Variants in ZNF234 observed in about 807,000 individuals in gnomAD.
ZNF234 encodes C2-H2 type zinc finger protein.
A neutral mutation model predicts 10.3 loss-of-function variants in ZNF234; 4 were observed. The observed-to-expected ratio is 0.39, with a 90% CI of 0.19 to 0.89. The LOEUF is 0.89. ZNF234 is among the 40% of genes least tolerant of loss of function. ZNF234 has a pLI of 0.38. For missense variants in ZNF234, 711 were observed against 836.1 expected, an observed-to-expected ratio of 0.85 and a Z score of 1.85; for synonymous variants, 258 against 280.1, an observed-to-expected ratio of 0.92 and a Z score of 0.79.
chr19:44,151,439 C>T (rs953733202), intron 5 of ZNF234, among the ~76,000 whole-genome samples: 4 of 152,118 alleles, frequency 2.6e-5, no homozygotes, highest in African/African-American at 4.8e-5. Flanking sequence ...TCAAGTGACC[C>T]GCCTGCCTCA....
In ZNF234 at chr19:44,157,530, T is replaced by G. The variant is rs778761512; in HGVS notation, c.1514T>G (p.Ile505Ser). ...RRADLKIHCRIHTGEKPYNCE... is the reference protein window; with the variant it reads ...RRADLKIHCRSHTGEKPYNCE... ...GCAGATCTTAAAATTCATTGTAGGA[T>G]CCACACAGGGGAGAAACCATATAAT... Residue 505 changes from isoleucine (I) to serine (S), a missense_variant, in exon 6 of 6, where the codon ATC becomes AGC. Coordinates refer to ENST00000426739, the MANE Select transcript of ZNF234 (RefSeq NM_006630.3). The G allele has an allele frequency of 2.5e-6, 4 of 1,614,126 alleles. No individual in the cohort carries two copies. Among genetic ancestry groups the G allele is most frequent in the Admixed American group, 3.3e-5 (2 of 60,022 alleles).
chr19:44,154,628 C>CTTTTCT (rs1568552607), intron 5 of ZNF234, among the ~76,000 whole-genome samples: 1 of 102,434 alleles, frequency 9.8e-6, no homozygotes, highest in African/African-American at 4.0e-5. Context: ...TTCTCTTTTT[C>CTTTTCT]TTTTTTTTTT....
intron 5 of ZNF234, among the ~76,000 whole-genome samples, chr19:44,150,987 G>A (rs1036489313): frequency 1.3e-5 from 2 of 150,840 alleles, no homozygotes; most frequent in Admixed American, 6.6e-5. Context: ...AGCCAAGATC[G>A]CACCGCTACA....
rs1295228484 is a variant in ZNF234 at position 44,153,161 on chromosome 19, TC to T, written c.235+2657del. 1.6e-3 allele frequency among the ~76,000 whole-genome samples: 220 copies of T among 133,492 alleles called. 1 individual carries two copies. Among genetic ancestry groups the T allele is most frequent in the African/African-American group, 6.6e-3 (209 of 31,536 alleles). The allele number at this position is 133,492 out of a possible 152,430, so 87.6% of individuals were successfully genotyped here. A position where few individuals can be genotyped will look rare whatever the true frequency, so the allele number is the denominator to read the frequency against. On this transcript the variant is annotated intron_variant, in intron 5 of 5. Coordinates refer to ENST00000426739, the MANE Select transcript of ZNF234 (RefSeq NM_006630.3). ...CAGTTTGTTAAATCTAATCATGTAT[TC>T]ATCATATATATATATATATATATAT...
Position 44,158,028 on chromosome 19 carries a change from A to C in ZNF234, c.2012A>C (p.His671Pro). 1 of 1,613,928 alleles carries C rather than the reference A, an allele frequency of 6.2e-7. No homozygotes were observed. Among genetic ancestry groups the C allele is most frequent in the Non-Finnish European group, 8.5e-7 (1 of 1,179,880 alleles). Reference sequence around the variant, plus strand: ...TGGCGATCAAATCTTGTAAGTCATCACAAAATTCATGCTGCTGGTACATTT... The same window carrying C: ...TGGCGATCAAATCTTGTAAGTCATCCCAAAATTCATGCTGCTGGTACATTT... ...FSWRSNLVSHHKIHAAGTFYE... is the reference protein window; with the variant it reads ...FSWRSNLVSHPKIHAAGTFYE... The change falls in exon 6 of 6, where the codon CAC (histidine) becomes CCC (proline). Residue 671 changes from histidine to proline, a missense_variant. Physicochemically the swap from His to Pro is moderately conservative, Grantham distance 77. Transcript: ENST00000426739.
Position 44,158,767 on chromosome 19 carries a change from G to C in ZNF234, c.*648G>C, listed in dbSNP as rs1303336543. The C allele has an allele frequency of 6.5e-6, 1 of 154,044 alleles. No individual in the cohort carries two copies. Among genetic ancestry groups the C allele is most frequent in the East Asian group, 1.9e-4 (1 of 5,202 alleles). 9.5% of individuals were successfully genotyped at this position (154,044 alleles called of 1,614,324 possible). On this transcript the variant is annotated 3_prime_UTR_variant, in exon 6 of 6. Coordinates refer to ENST00000426739, the MANE Select transcript of ZNF234 (RefSeq NM_006630.3). ...GAAATAGGACTTAGAAAATGAGTTT[G>C]ACCTGGGCTTTAAAAAAGTATACTG...
At position 44,156,256 on chromosome 19, in the gene ZNF234, CA is replaced by C; in HGVS notation, c.242del (p.Lys81ArgfsTer31). On this transcript the variant is annotated frameshift_variant, in exon 6 of 6. Transcript: ENST00000426739. LOFTEE classifies it low-confidence loss of function (END_TRUNC). ...CTGAATTCTCTGTCCTTACAGCAGA[CA>C]AGATCCAAAGTGAGGTGGAGACTGT... ...ATQRKGKSAD[K>X]IQSEVETVPE... 6.5e-7 allele frequency: 1 copy of C among 1,544,962 alleles called. No individual in the cohort carries two copies. The highest frequency in any genetic ancestry group is 8.7e-7 in the Non-Finnish European group (1 of 1,151,670).
At chr19:44,154,447 C>A (rs1337347682) in intron 5 of ZNF234, among the ~76,000 whole-genome samples, 2 of 151,920 alleles carry the variant, frequency 1.3e-5, no homozygotes, top group East Asian at 3.9e-4. Context: ...TGCTTATCTG[C>A]TAATATTTTA....
chr19:44,159,536 A>G lies in ZNF234; in HGVS notation c.*1417A>G. ...GACTGAAAAAAATTTAATTAACCTG[A>G]CAAGAGTTTACTGAATATCACACAA... On this transcript the variant is annotated 3_prime_UTR_variant, in exon 6 of 6. Coordinates refer to ENST00000426739, the MANE Select transcript of ZNF234 (RefSeq NM_006630.3). 1 of 396,114 alleles carries G rather than the reference A, an allele frequency of 2.5e-6. No homozygotes were observed. Among genetic ancestry groups the G allele is most frequent in the South Asian group, 1.8e-5 (1 of 55,522 alleles). The allele number at this position is 396,114 out of a possible 1,614,324, so 24.5% of individuals were successfully genotyped here.
rs1036383767 is a variant in ZNF234 at position 44,158,326 on chromosome 19, C to A, written c.*207C>A. ...CATGCTGGATGCAGTGGTGCTATCT[C>A]AGCTCACTGTAACCTCCACTTCCCG... On this transcript the variant is annotated 3_prime_UTR_variant, in exon 6 of 6. Coordinates refer to ENST00000426739, the MANE Select transcript of ZNF234 (RefSeq NM_006630.3). 1.7e-6 allele frequency: 1 copy of A among 578,640 alleles called. No homozygotes were observed. Among genetic ancestry groups the A allele is most frequent in the Non-Finnish European group, 3.1e-6 (1 of 323,728 alleles). The allele number at this position is 578,640 out of a possible 1,614,324, so 35.8% of individuals were successfully genotyped here.
In ZNF234 at chr19:44,148,861, G is replaced by A; in HGVS notation, c.106G>A (p.Val36Met). The stretch of plus-strand genomic sequence containing the variant: ...TGTCCAGAGGAATCTGTACCAAGAT[G>A]TGATGCTGGAGAACTTCAGGAACCT... ...DPVQRNLYQDVMLENFRNLLS... is the reference protein window; with the variant it reads ...DPVQRNLYQDMMLENFRNLLS... The change falls in exon 4 of 6, where the codon GTG becomes ATG. Residue 36 changes from valine (V) to methionine (M), a missense_variant. By Grantham distance (21) the Val-to-Met change is conservative (BLOSUM62 1). Coordinates refer to ENST00000426739, the MANE Select transcript of ZNF234 (RefSeq NM_006630.3). 1 of 1,613,970 alleles carries A rather than the reference G, an allele frequency of 6.2e-7. No individual in the cohort carries two copies. The highest frequency in any genetic ancestry group is 8.5e-7 in the Non-Finnish European group (1 of 1,179,890).
At position 44,158,400 on chromosome 19, in the gene ZNF234, C is replaced by A. The variant is rs538804794; in HGVS notation, c.*281C>A. 2.5e-6 allele frequency: 1 copy of A among 396,700 alleles called. No homozygotes were observed. Among genetic ancestry groups the A allele is most frequent in the Admixed American group, 3.8e-5 (1 of 26,210 alleles). The allele number at this position is 396,700 out of a possible 1,614,324, so 24.6% of individuals were successfully genotyped here. ...AGTGGATTACAGGTGCACACCACCA[C>A]GCCTGGCTAATTTTTGTATTTTTAG... On this transcript the variant is annotated 3_prime_UTR_variant, in exon 6 of 6. Coordinates refer to ENST00000426739, the MANE Select transcript of ZNF234 (RefSeq NM_006630.3).
In ZNF234 at chr19:44,156,357, A is replaced by G. The variant is rs1196657470; in HGVS notation, c.341A>G (p.Tyr114Cys). The G allele has an allele frequency of 9.9e-6, 16 of 1,613,026 alleles. No homozygotes were observed. Among genetic ancestry groups the G allele is most frequent in the African/African-American group, 1.3e-5 (1 of 74,878 alleles). Residue 114 changes from tyrosine to cysteine, a missense_variant, in exon 6 of 6, where the codon TAT becomes TGT. Coordinates refer to ENST00000426739, the MANE Select transcript of ZNF234 (RefSeq NM_006630.3). ...WKQIASDLIK[Y>C]EDSMISISRF... ...CAGATTGCAAGTGATTTAATCAAGT[A>G]TGAAGACTCTATGATAAGTATTTCT...
In ZNF234 at chr19:44,158,230, C is replaced by T; in HGVS notation, c.*111C>T. On this transcript the variant is annotated 3_prime_UTR_variant, in exon 6 of 6. Coordinates refer to ENST00000426739, the MANE Select transcript of ZNF234 (RefSeq NM_006630.3). ...CTTTGAATTTATTTGATTTGTAACG[C>T]TCCACATTTCCACCTAGACTTTTTT... is the stretch of plus-strand genomic sequence containing the variant. 8.5e-7 allele frequency: 1 copy of T among 1,175,264 alleles called. No individual in the cohort carries two copies. The allele number at this position is 1,175,264 out of a possible 1,614,324, so 72.8% of individuals were successfully genotyped here.
At chr19:44,154,043 T>C (rs1345153911) in intron 5 of ZNF234, among the ~76,000 whole-genome samples, 3 of 152,198 alleles carry the variant, frequency 2.0e-5, no homozygotes, top group Non-Finnish European at 4.4e-5. Flanking sequence ...GTGAAGAACA[T>C]AGACAAATTC....
chr19:44,151,110 C>T (rs775374697), intron 5 of ZNF234, among the ~76,000 whole-genome samples: 12 of 152,082 alleles, frequency 7.9e-5, no homozygotes, highest in South Asian at 2.1e-4. Context: ...TAGAGTCCTG[C>T]GTGGTCTGCT....
In ZNF234 at chr19:44,141,923, C is replaced by G. The variant is rs1233027776; in HGVS notation, c.-131+190C>G. 1.3e-5 allele frequency: 2 copies of G among 152,380 alleles called. No individual in the cohort carries two copies. Among genetic ancestry groups the G allele is most frequent in the African/African-American group, 2.4e-5 (1 of 41,568 alleles). 9.4% of individuals were successfully genotyped at this position (152,380 alleles called of 1,614,324 possible). ...TCCCTGCACTCCAGGCGCGCAGTCA[C>G]TTTTTTACAGTGCAAGGTTGGCGTG... On this transcript the variant is annotated intron_variant, in intron 1 of 5. Transcript: ENST00000426739. The surrounding 1 kb of genome is among the most constrained non-coding windows in gnomAD (Gnocchi z 4.6).
chr19:44,156,853 G>C lies in ZNF234; in HGVS notation c.837G>C (p.Gln279His). 2 of 1,613,370 alleles carry C rather than the reference G, an allele frequency of 1.2e-6. No homozygotes were observed. The highest frequency in any genetic ancestry group is 2.2e-5 in the South Asian group (2 of 90,976). Residue 279 changes from glutamine to histidine, a missense_variant, in exon 6 of 6, where the codon CAG (glutamine) becomes CAC (histidine). Gln to His is a conservative substitution (Grantham distance 24). Coordinates refer to ENST00000426739, the MANE Select transcript of ZNF234 (RefSeq NM_006630.3). ...FIHASHLQEH[Q>H]RIHTGEKPFK... ...ATGCTTCCCATCTTCAGGAACATCAGAGAATTCATACTGGGGAGAAACCAT... is the reference window on the plus strand; with the variant it reads ...ATGCTTCCCATCTTCAGGAACATCACAGAATTCATACTGGGGAGAAACCAT...
intron 5 of ZNF234, among the ~76,000 whole-genome samples, chr19:44,150,832 G>C (rs1282048821): frequency 6.6e-6 from 1 of 152,010 alleles, no homozygotes; most frequent in Non-Finnish European, 1.5e-5. Flanking sequence ...TCAGGAGTTT[G>C]AGACCAGCCT....
Sources: allele counts gnomAD v4.1 joint callset (sites outside exome capture counted in the v4.1 genomes callset), GRCh38; gene constraint gnomAD v4.1.1; non-coding constraint Gnocchi (gnomAD v3.1); transcripts MANE v1.5; gene names NCBI Gene and HGNC (gene_info 2026-07-23, HGNC 2026-07-21).